Variants in HSH2D observed in about 807,000 individuals in gnomAD.
The protein encoded by HSH2D is hematopoietic SH2 domain containing, also known as hematopoietic SH2 domain-containing protein.
In HSH2D, 16 loss-of-function variants were observed where a neutral mutation model predicts 21.5. The ratio of observed to expected loss-of-function variants is 0.74; its 90% CI spans 0.50 to 1.13. The LOEUF (loss-of-function observed/expected upper bound fraction) is 1.13. Among genes scored for constraint, HSH2D ranks in the 50% most tolerant of loss-of-function variants. The pLI is 0.00. For synonymous variants in HSH2D, 172 were observed against 184.7 expected, an observed-to-expected ratio of 0.93 and a Z score of 0.56; for missense variants, 418 against 441.4, an observed-to-expected ratio of 0.95 and a Z score of 0.47.
At chr19:16,143,972 T>C (rs935597670) in intron 1 of HSH2D, among the ~76,000 whole-genome samples, 198 bp downstream of exon 1, 1 of 151,724 alleles carries the variant, frequency 6.6e-6, no homozygotes, top group Admixed American at 6.6e-5. Flanking sequence ...AAAGGGGGTC[T>C]TGGCAAGACA....
At position 16,157,604 on chromosome 19, in the gene HSH2D, C is replaced by T. The variant is rs1299799943; in HGVS notation, c.869C>T (p.Thr290Ile). ...PQAPKDRKVP[T>I]RKAERSVSCI... ...GCACCAAAAGACAGAAAGGTCCCCA[C>T]CAGGAAGGCCGAGAGGTCGGTCAGC... Residue 290 changes from threonine to isoleucine, a missense_variant, in exon 6 of 6, where the codon ACC (threonine) becomes ATC (isoleucine). By Grantham distance (89) the Thr-to-Ile change is moderately conservative (BLOSUM62 -1). Transcript: ENST00000613986. The surrounding 1 kb of genome is among the most constrained non-coding windows in gnomAD (Gnocchi z 4.4). The T allele has an allele frequency of 6.2e-7, 1 of 1,613,888 alleles. No homozygotes were observed. The highest frequency in any genetic ancestry group is 1.1e-5 in the South Asian group (1 of 91,082).
chr19:16,144,188 GA>G (rs1262642986), intron 1 of HSH2D, among the ~76,000 whole-genome samples: 2 of 151,962 alleles, frequency 1.3e-5, no homozygotes, highest in Non-Finnish European at 2.9e-5. Context: ...CCAGGACACA[GA>G]AAAAAACAAC....
rs1328003602 is a variant in HSH2D, at chr19:16,156,985, C to CA, written c.475-212dup. ...TGGGCGACAGAGTGAAACTCCATCT[C>CA]AAAAAAAAAAAAAGGAAGAAGAACA... On this transcript the variant is annotated intron_variant, in intron 5 of 5. Coordinates refer to ENST00000613986, the MANE Select transcript of HSH2D (RefSeq NM_001382417.1). Among the ~76,000 whole-genome samples, 250 of 124,940 alleles carry CA rather than the reference C, an allele frequency of 2.0e-3. 1 individual carries two copies. The highest frequency in any genetic ancestry group is 5.4e-3 in the African/African-American group (181 of 33,604). The allele number at this position is 124,940 out of a possible 152,430, so 82.0% of individuals were successfully genotyped here.
In HSH2D at chr19:16,156,938, A is replaced by G. The variant is rs576388310; in HGVS notation, c.475-272A>G. On this transcript the variant is annotated intron_variant, in intron 5 of 5. Transcript: ENST00000613986. ...GAGGTGGAGGTTGCAGTGAGCCGAG[A>G]TTGTGCCACTGCACTCCAGACTGGG... is the stretch of plus-strand genomic sequence containing the variant. Among the ~76,000 whole-genome samples the G allele has an allele frequency of 3.3e-5, 5 of 151,940 alleles. No individual in the cohort carries two copies. In the East Asian group the frequency reaches 7.7e-4, roughly 24 times the overall value.
chr19:16,154,392 C>A lies in HSH2D; in HGVS notation c.382-7C>A, dbSNP rs1219903018. 6.5e-7 allele frequency: 1 copy of A among 1,544,802 alleles called. No individual in the cohort carries two copies. Among genetic ancestry groups the A allele is most frequent in the African/African-American group, 1.4e-5 (1 of 73,020 alleles). On this transcript the variant is annotated splice_polypyrimidine_tract_variant and splice_region_variant and intron_variant, in intron 4 of 5. Transcript: ENST00000613986. ...GTGCTGAGCTACAGGCCCCTTCCGC[C>A]CTGCAGAAGGATCCCGCAAACGTGG...
intron 5 of HSH2D, among the ~76,000 whole-genome samples, chr19:16,156,876 C>T (rs778854379): frequency 2.1e-4 from 32 of 151,862 alleles, no homozygotes; most frequent in Non-Finnish European, 3.8e-4. Flanking sequence ...GTTCTAGCTA[C>T]TTGGGAGGCT....
chr19:16,157,383 G>A lies in HSH2D; in HGVS notation c.648G>A (p.Arg216=), dbSNP rs775620014. 7.4e-6 allele frequency: 12 copies of A among 1,613,900 alleles called. No homozygotes were observed. In the Admixed American group the frequency reaches 1.8e-4, roughly 25 times the overall value. The change falls in exon 6 of 6, where the codon AGG becomes AGA. Residue 216 remains arginine (R), a synonymous_variant. Coordinates refer to ENST00000613986, the MANE Select transcript of HSH2D (RefSeq NM_001382417.1). This position sits in a 1 kb window ranked among gnomAD's most constrained non-coding sequence, Gnocchi z 4.4. ...AAATGCTCCCCGAGAGAGGCCAGAG[G>A]GTCCGGCAGCAGCTAAAAAGCCACC... ...SLKMLPERGQ[R]VRQQLKSHLA...
At chr19:16,149,694 C>G (rs2091122695) in intron 2 of HSH2D, among the ~76,000 whole-genome samples, 2 of 151,744 alleles carry the variant, frequency 1.3e-5, no homozygotes, top group African/African-American at 4.8e-5. Context: ...TCAAGCAATC[C>G]TCCTGCCTCA....
chr19:16,157,946 G>A lies in HSH2D; in HGVS notation c.*152G>A. The A allele has an allele frequency of 1.6e-6, 1 of 611,208 alleles. No homozygotes were observed. Among genetic ancestry groups the A allele is most frequent in the Non-Finnish European group, 2.9e-6 (1 of 349,516 alleles). 37.9% of individuals were successfully genotyped at this position (611,208 alleles called of 1,614,324 possible). A position where few individuals can be genotyped will look rare whatever the true frequency, so the allele number is the denominator to read the frequency against. ...AAAGATGTTTTTGGGGTCTGTTCCT[G>A]CACTCACCCATGGGGTGAGCTGGTT... On this transcript the variant is annotated 3_prime_UTR_variant, in exon 6 of 6. Coordinates refer to ENST00000613986, the MANE Select transcript of HSH2D (RefSeq NM_001382417.1). This position sits in a 1 kb window ranked among gnomAD's most constrained non-coding sequence, Gnocchi z 4.4.
chr19:16,135,120 A>G (rs903980397), intron 1 of HSH2D, among the ~76,000 whole-genome samples: 1 of 152,014 alleles, frequency 6.6e-6, no homozygotes, highest in Non-Finnish European at 1.5e-5. Flanking sequence ...TACTAAAAAT[A>G]CAAAAATTAG....
At chr19:16,150,566 G>A (rs1188645188) in intron 2 of HSH2D, among the ~76,000 whole-genome samples, 4 of 151,824 alleles carry the variant, frequency 2.6e-5, no homozygotes, top group East Asian at 3.9e-4. Flanking sequence ...ACTGGGCACG[G>A]TGGCACGTGC....
chr19:16,137,444 A>G (rs1275652960), intron 1 of HSH2D, among the ~76,000 whole-genome samples: 2 of 152,040 alleles, frequency 1.3e-5, no homozygotes, highest in Admixed American at 6.5e-5. Flanking sequence ...CCTGGCCAAT[A>G]TGGTGAAACC....
intron 1 of HSH2D, among the ~76,000 whole-genome samples, chr19:16,145,131 C>T (rs1305296551): frequency 3.3e-5 from 5 of 151,064 alleles, no homozygotes; most frequent in African/African-American, 7.3e-5. Context: ...CTCTGCCTCC[C>T]GAGTTCAGAT....
chr19:16,156,111 T>C (rs185545664), intron 5 of HSH2D, among the ~76,000 whole-genome samples: 19 of 151,976 alleles, frequency 1.3e-4, no homozygotes, highest in Non-Finnish European at 1.5e-5. Flanking sequence ...CCCAGTGCTT[T>C]GGGAGGCTGA....
intron 2 of HSH2D, among the ~76,000 whole-genome samples, chr19:16,150,291 G>A (rs918974092): frequency 5.3e-5 from 8 of 152,110 alleles, no homozygotes; most frequent in African/African-American, 1.9e-4. Context: ...TGTAATCCCA[G>A]CACTTTGGGA....
chr19:16,150,670 A>G (rs1455433587), intron 2 of HSH2D, among the ~76,000 whole-genome samples: 1 of 148,046 alleles, frequency 6.8e-6, no homozygotes. Context: ...TGGGTGACAG[A>G]GCAAGATTCC....
At position 16,152,109 on chromosome 19, in the gene HSH2D, A is replaced by T. The variant is rs1415182457; in HGVS notation, c.126-443A>T. ...AGACAGAGCGAGACTCTGTCTCAAC[A>T]AAAAAAAAAAAAAAAAGGAAAAAAG... is the stretch of plus-strand genomic sequence containing the variant. On this transcript the variant is annotated intron_variant, in intron 2 of 5. Transcript: ENST00000613986. Among the ~76,000 whole-genome samples the T allele has an allele frequency of 1.9e-4, 3 of 16,012 alleles. No individual in the cohort carries two copies. In the South Asian group the frequency reaches 9.6e-3, roughly 51 times the overall value. 10.5% of individuals were successfully genotyped at this position (16,012 alleles called of 152,430 possible).
chr19:16,147,476 C>A (rs2091087139), intron 1 of HSH2D, among the ~76,000 whole-genome samples: 1 of 145,438 alleles, frequency 6.9e-6, no homozygotes, highest in African/African-American at 2.6e-5. Context: ...AGAGTGAGAC[C>A]CTGTCTCAAA....
chr19:16,157,241 C>A lies in HSH2D; in HGVS notation c.506C>A (p.Ser169Ter). Residue 169 changes from serine (S) to a stop codon, truncating the protein, a stop_gained, in exon 6 of 6, where the codon TCA (serine) becomes TAA (stop). Transcript: ENST00000613986. LOFTEE classifies it low-confidence loss of function (END_TRUNC). The surrounding 1 kb of genome is among the most constrained non-coding windows in gnomAD (Gnocchi z 4.4). ...CCAAAGCCAGTCCTGTGTCACCAAT[C>A]AAAGGAAAGGAAGCCGTCAGCAGAG... The part of the protein sequence containing the change: ...ASPKPVLCHQ[S>*]KERKPSAEMN... The A allele has an allele frequency of 6.4e-7, 1 of 1,568,206 alleles. No individual in the cohort carries two copies.
Sources: gnomAD v4.1 joint callset for allele counts (sites outside exome capture counted in the v4.1 genomes callset) on GRCh38, gnomAD v4.1.1 for gene constraint, Gnocchi (gnomAD v3.1) non-coding constraint, MANE v1.5 for transcripts, NCBI Gene and HGNC (gene_info 2026-07-23, HGNC 2026-07-21) for gene names.